OR2L13: variants seen among roughly 807,000 people sequenced by gnomAD.
The protein encoded by OR2L13 is olfactory receptor 2L13.
In OR2L13, 14 loss-of-function variants were observed where a neutral mutation model predicts 15.3. That is an observed-to-expected ratio of 0.91 (90% CI 0.60 to 1.43). The LOEUF is 1.43. Among genes scored for constraint, OR2L13 ranks in the 40% most tolerant of loss-of-function variants. OR2L13 has a pLI of 0.00. For synonymous variants in OR2L13, 152 were observed against 142.9 expected (o/e 1.06, Z -0.45); for missense variants, 367 against 387.9 (o/e 0.95, Z 0.45).
the OR2L13 span, among the ~76,000 whole-genome samples, chr1:248,025,554 A>G: frequency 2.0e-5 from 3 of 149,214 alleles, no homozygotes; most frequent in Non-Finnish European, 2.9e-5. Context: ...TTCCTCAGGG[A>G]TCTAGAACTA....
the OR2L13 span, among the ~76,000 whole-genome samples, chr1:247,994,786 G>GTATA: frequency 6.6e-6 from 1 of 152,172 alleles, no homozygotes; most frequent in Non-Finnish European, 1.5e-5. Context: ...GGAACATGCT[G>GTATA]TATAAGTTGA....
At chr1:248,020,923 C>T in the OR2L13 span, among the ~76,000 whole-genome samples, 1 of 150,984 alleles carries the variant, frequency 6.6e-6, no homozygotes, top group East Asian at 2.0e-4. Flanking sequence ...ACATATGTGA[C>T]TTGGAATTAT....
At chr1:248,007,325 T>G in the OR2L13 span, among the ~76,000 whole-genome samples, 1 of 152,188 alleles carries the variant, frequency 6.6e-6, no homozygotes, top group Non-Finnish European at 1.5e-5. Context: ...CAGTGAATAT[T>G]GAGCCTTCCA....
chr1:247,966,776 C>T, the OR2L13 span, among the ~76,000 whole-genome samples: 67 of 152,216 alleles, frequency 4.4e-4, no homozygotes, highest in Admixed American at 2.0e-3. Flanking sequence ...GTTTTCCTTT[C>T]GTGGTTTTCA....
chr1:247,948,068 C>T, the OR2L13 span, among the ~76,000 whole-genome samples: 2 of 152,034 alleles, frequency 1.3e-5, no homozygotes, highest in Non-Finnish European at 2.9e-5. Context: ...ATAAAGTTAA[C>T]TAGGCATTGT....
At chr1:247,948,870 A>C in the OR2L13 span, 1 of 1,604,966 alleles carries the variant, frequency 6.2e-7, no homozygotes, top group Non-Finnish European at 8.5e-7. Flanking sequence ...GGAAAATTAC[A>C]ATCAAACATC....
the OR2L13 span, chr1:248,003,480 T>G: frequency 2.5e-6 from 4 of 1,609,808 alleles, no homozygotes; most frequent in Non-Finnish European, 3.4e-6. Flanking sequence ...CTGATATCAA[T>G]GGCCTATGTT....
At chr1:247,998,911 T>C in the OR2L13 span, among the ~76,000 whole-genome samples, 1 of 152,136 alleles carries the variant, frequency 6.6e-6, no homozygotes, top group South Asian at 2.1e-4. Flanking sequence ...GAGAAGCAAA[T>C]GAGCAGAGCA....
chr1:248,055,104 G>A, the OR2L13 span, among the ~76,000 whole-genome samples: 2 of 152,070 alleles, frequency 1.3e-5, no homozygotes, highest in South Asian at 4.1e-4. Context: ...TTATTTTGAT[G>A]TATGTTCCTT....
the OR2L13 span, among the ~76,000 whole-genome samples, chr1:247,943,939 C>T: frequency 6.6e-6 from 1 of 152,182 alleles, no homozygotes; most frequent in Non-Finnish European, 1.5e-5. Context: ...ATCGAAAAGA[C>T]TGTCCCTTCT....
At chr1:248,007,322 T>G in the OR2L13 span, among the ~76,000 whole-genome samples, 1 of 152,192 alleles carries the variant, frequency 6.6e-6, no homozygotes, top group Admixed American at 6.5e-5. Context: ...CATCAGTGAA[T>G]ATTGAGCCTT....
At chr1:248,046,192 A>G in the OR2L13 span, among the ~76,000 whole-genome samples, 2 of 152,186 alleles carry the variant, frequency 1.3e-5, no homozygotes, top group Non-Finnish European at 2.9e-5. Flanking sequence ...ATTTAATAGG[A>G]GAAAATAGCT....
chr1:247,975,486 T>C, the OR2L13 span: 2 of 876,822 alleles, frequency 2.3e-6, no homozygotes, highest in Admixed American at 3.5e-5. Flanking sequence ...CAATGTTTGC[T>C]TATACCTATC....
the OR2L13 span, among the ~76,000 whole-genome samples, chr1:248,079,951 T>C: frequency 2.6e-5 from 4 of 152,166 alleles, no homozygotes; most frequent in East Asian, 7.7e-4. Context: ...TGGAAGATAT[T>C]GGGTAAAATA....
the OR2L13 span, among the ~76,000 whole-genome samples, chr1:248,073,352 C>G: frequency 1.3e-5 from 2 of 152,134 alleles, no homozygotes; most frequent in African/African-American, 4.8e-5. Context: ...TGGAAATCAT[C>G]TTTCTCAGTA....
At chr1:247,972,674 C>G in the OR2L13 span, among the ~76,000 whole-genome samples, 27 of 152,124 alleles carry the variant, frequency 1.8e-4, no homozygotes, top group Non-Finnish European at 4.0e-4. Context: ...CAGACAGATT[C>G]ACAGCCAAAT....
At chr1:248,039,123 C>T in the OR2L13 span, 4 of 1,614,092 alleles carry the variant, frequency 2.5e-6, no homozygotes, top group South Asian at 4.4e-5. Context: ...AATGCTCAAC[C>T]CCATCATCTA....
chr1:248,029,809 G>A, the OR2L13 span, among the ~76,000 whole-genome samples: 44,360 of 152,004 alleles, frequency 0.29, 10,127 homozygotes, highest in African/African-American at 0.64. Flanking sequence ...TTAGAAACAC[G>A]AAAACATTGA....
At chr1:247,973,609 T>C in the OR2L13 span, among the ~76,000 whole-genome samples, 5 of 151,928 alleles carry the variant, frequency 3.3e-5, no homozygotes, top group African/African-American at 1.2e-4. Context: ...CTACAAAAAG[T>C]GGGCGAAGGA....
Sources: gnomAD v4.1 joint callset for allele counts (sites outside exome capture counted in the v4.1 genomes callset) on GRCh38, gnomAD v4.1.1 for gene constraint, MANE v1.5 for transcripts, NCBI Gene and HGNC (gene_info 2026-07-23, HGNC 2026-07-21) for gene names.